Variants in CETN3 observed in about 807,000 individuals in gnomAD.
CETN3 encodes centrin 3.
A neutral mutation model predicts 20.1 loss-of-function variants in CETN3; 17 were observed. The observed-to-expected ratio is 0.85, with a 90% confidence interval of 0.58 to 1.27. CETN3 has a LOEUF of 1.27. Ranked by LOEUF, CETN3 falls within the 50% of genes most tolerant of loss-of-function variation. The pLI, the probability that CETN3 is intolerant of heterozygous loss-of-function variation, is 0.00. For synonymous variants in CETN3, 52 were observed against 59.7 expected (o/e 0.87, Z 0.59); for missense variants, 169 against 191.2 (o/e 0.88, Z 0.69).
chr5:90,400,406 A>G (rs1305755446), intron 3 of CETN3, among the ~76,000 whole-genome samples: 2 of 152,158 alleles, frequency 1.3e-5, no homozygotes, highest in East Asian at 3.8e-4. Context: ...TAGCCACAAT[A>G]AAAATTAAAA....
At chr5:90,403,796 G>A (rs1258190415) in intron 3 of CETN3, among the ~76,000 whole-genome samples, 1 of 146,668 alleles carries the variant, frequency 6.8e-6, no homozygotes, top group Non-Finnish European at 1.5e-5. Context: ...GCGTGAACCC[G>A]GGAGGCGGAG....
At chr5:90,397,224 G>A (rs968980743) in intron 4 of CETN3, among the ~76,000 whole-genome samples, 2 of 151,940 alleles carry the variant, frequency 1.3e-5, no homozygotes, top group African/African-American at 2.4e-5. Flanking sequence ...AATTAAACTA[G>A]CTACTTTACT....
At chr5:90,407,956 TC>T in intron 1 of CETN3, 122 bp from the exon 2 acceptor site, 1 of 796,734 alleles carries the variant, frequency 1.3e-6, no homozygotes. Context: ...AGGGAAACTT[TC>T]CCTTTATGAG....
chr5:90,409,296 C>A, intron 1 of CETN3, among the ~76,000 whole-genome samples: 1 of 152,158 alleles, frequency 6.6e-6, no homozygotes, highest in East Asian at 1.9e-4. Flanking sequence ...CCTGACCAGG[C>A]ACACGGATGA....
intron 2 of CETN3, among the ~76,000 whole-genome samples, chr5:90,407,375 CA>C (rs1329166797): frequency 2.6e-5 from 4 of 151,854 alleles, no homozygotes; most frequent in Non-Finnish European, 5.9e-5. Context: ...AAAACAAAAA[CA>C]AAAAACAGTG....
rs946172121 is a variant in CETN3, at chr5:90,392,623, GTGCC to G, written c.*1437_*1440del. 1 of 152,200 alleles carries G rather than the reference GTGCC, an allele frequency of 6.6e-6. No individual in the cohort carries two copies. Among genetic ancestry groups the G allele is most frequent in the African/African-American group, 2.4e-5 (1 of 41,446 alleles). 9.4% of individuals were successfully genotyped at this position (152,200 alleles called of 1,614,324 possible). A position where few individuals can be genotyped will look rare whatever the true frequency, so the allele number is the denominator to read the frequency against. ...TTCACTCTGGTTTTCACCATGTGATGTGCCTGCTCCCCCTTTGCCTTCTACCATG... is the reference window on the plus strand; with the variant it reads ...TTCACTCTGGTTTTCACCATGTGATGTGCTCCCCCTTTGCCTTCTACCATG... On this transcript the variant is annotated 3_prime_UTR_variant, in exon 5 of 5. Coordinates refer to ENST00000283122, the MANE Select transcript of CETN3 (RefSeq NM_004365.4).
chr5:90,408,900 G>T (rs559932678), intron 1 of CETN3, among the ~76,000 whole-genome samples: 59 of 152,084 alleles, frequency 3.9e-4, no homozygotes, highest in African/African-American at 1.4e-3. Context: ...ACAAACTTGG[G>T]TATTCCTGGG....
chr5:90,407,906 C>G, intron 1 of CETN3, 72 bp from the exon 2 acceptor site: 1 of 1,279,218 alleles, frequency 7.8e-7, no homozygotes, highest in Non-Finnish European at 1.0e-6. Flanking sequence ...CCAATAATTA[C>G]CTTCTAAATT....
intron 2 of CETN3, 152 bp downstream of exon 2, chr5:90,407,547 T>C (rs1749483325): frequency 2.2e-6 from 1 of 445,374 alleles, no homozygotes; most frequent in Non-Finnish European, 3.8e-6. Flanking sequence ...CTCTTCAGTT[T>C]TATTACAGCA....
chr5:90,395,949 T>A, intron 4 of CETN3: 3 of 925,876 alleles, frequency 3.2e-6, no homozygotes, highest in Non-Finnish European at 3.9e-6. Context: ...GTTTTTATAC[T>A]TGAAACAGAA....
intron 3 of CETN3, among the ~76,000 whole-genome samples, chr5:90,404,215 T>C (rs1010461171): frequency 2.0e-5 from 3 of 152,136 alleles, no homozygotes; most frequent in African/African-American, 4.8e-5. Flanking sequence ...CACTTTATAG[T>C]TGAAAATGAG....
At chr5:90,402,519 T>C (rs1749319554) in intron 3 of CETN3, among the ~76,000 whole-genome samples, 1 of 152,208 alleles carries the variant, frequency 6.6e-6, no homozygotes, top group Non-Finnish European at 1.5e-5. Context: ...CCTGGCAATC[T>C]TGGAATGAAA....
chr5:90,408,359 G>A (rs1250193827), intron 1 of CETN3, among the ~76,000 whole-genome samples: 1 of 152,072 alleles, frequency 6.6e-6, no homozygotes, highest in Admixed American at 6.5e-5. Context: ...AGCACTGTTG[G>A]TTCAAAATGT....
chr5:90,405,160 T>G (rs1435452367), intron 3 of CETN3, among the ~76,000 whole-genome samples: 1 of 152,162 alleles, frequency 6.6e-6, no homozygotes, highest in East Asian at 1.9e-4. Flanking sequence ...CTTTATCCAC[T>G]GAGATCAAGG....
Position 90,393,350 on chromosome 5 carries a change from T to G in CETN3, c.*714A>C, listed in dbSNP as rs1263320944. ...AGTCAAGAAGTTAGAAAATTCAAAT[T>G]GTATTCATTCAATTTGTTTAAGGAA... is the stretch of plus-strand genomic sequence containing the variant. On this transcript the variant is annotated 3_prime_UTR_variant, in exon 5 of 5. Coordinates refer to ENST00000283122, the MANE Select transcript of CETN3 (RefSeq NM_004365.4). 1 of 152,188 alleles carries G rather than the reference T, an allele frequency of 6.6e-6. No individual in the cohort carries two copies. The highest frequency in any genetic ancestry group is 1.5e-5 in the Non-Finnish European group (1 of 68,024). The allele number at this position is 152,188 out of a possible 1,614,324, so 9.4% of individuals were successfully genotyped here.
intron 3 of CETN3, among the ~76,000 whole-genome samples, 162 bp from the exon 4 acceptor site, chr5:90,399,711 G>A (rs142272870): frequency 2.4e-4 from 37 of 152,188 alleles, no homozygotes; most frequent in African/African-American, 8.9e-4. Flanking sequence ...AGATAAACCT[G>A]AAATTAGAAA....
intron 3 of CETN3, among the ~76,000 whole-genome samples, chr5:90,404,571 A>G (rs1749384721): frequency 6.6e-6 from 1 of 152,186 alleles, no homozygotes; most frequent in South Asian, 2.1e-4. Context: ...AAACAGTCAT[A>G]TATTAGTTCA....
rs528361123 is a variant in CETN3 at position 90,396,288 on chromosome 5, CTA to C, written c.461-2183_461-2182del. 2.1e-5 allele frequency: 21 copies of C among 985,232 alleles called. No individual in the cohort carries two copies. In the African/African-American group the frequency reaches 3.5e-4, roughly 16 times the overall value. The allele number at this position is 985,232 out of a possible 1,614,324, so 61.0% of individuals were successfully genotyped here. A position where few individuals can be genotyped will look rare whatever the true frequency, so the allele number is the denominator to read the frequency against. On this transcript the variant is annotated intron_variant, in intron 4 of 4. Coordinates refer to ENST00000283122, the MANE Select transcript of CETN3 (RefSeq NM_004365.4). Reference sequence around the variant, plus strand: ...ATCAGTATTTAACATCTACAAAACACTATGACAAACATGGTAAGAACGTAATA... The same window carrying C: ...ATCAGTATTTAACATCTACAAAACACTGACAAACATGGTAAGAACGTAATA...
In CETN3 at chr5:90,393,586, G is replaced by A. The variant is rs1429211794; in HGVS notation, c.*478C>T. On this transcript the variant is annotated 3_prime_UTR_variant, in exon 5 of 5. Coordinates refer to ENST00000283122, the MANE Select transcript of CETN3 (RefSeq NM_004365.4). ...GAAATGTTAGGTAATGGAAAAATGTGCCACTCTATTGCTAATTGTATTTCA... is the reference window on the plus strand; with the variant it reads ...GAAATGTTAGGTAATGGAAAAATGTACCACTCTATTGCTAATTGTATTTCA... The A allele has an allele frequency of 1.3e-5, 2 of 152,060 alleles. No homozygotes were observed. Among genetic ancestry groups the A allele is most frequent in the East Asian group, 3.9e-4 (2 of 5,194 alleles). The allele number at this position is 152,060 out of a possible 1,614,324, so 9.4% of individuals were successfully genotyped here.
Sources: gnomAD v4.1 joint callset for allele counts (sites outside exome capture counted in the v4.1 genomes callset) on GRCh38, gnomAD v4.1.1 for gene constraint, MANE v1.5 for transcripts, NCBI Gene and HGNC (gene_info 2026-07-23, HGNC 2026-07-21) for gene names.